Variants in GRIA4 observed in about 807,000 individuals in gnomAD.
GRIA4 encodes glutamate receptor 4.
GRIA4 carries 34 observed loss-of-function variants against 104.0 expected under a neutral mutation model. The observed-to-expected ratio is 0.33, with a 90% confidence interval of 0.25 to 0.44. GRIA4 has a LOEUF of 0.44. Ranked by LOEUF, GRIA4 falls within the 20% of genes least tolerant of loss-of-function variation. The pLI, the probability that GRIA4 is intolerant of heterozygous loss-of-function variation, is 1.00. For missense variants in GRIA4, 750 were observed against 1,096.5 expected, an observed-to-expected ratio of 0.68 and a Z score of 4.46; for synonymous variants, 386 against 381.9, an observed-to-expected ratio of 1.01 and a Z score of -0.13.
chr11:105,701,910 T>A (rs553217652), intron 3 of GRIA4, among the ~76,000 whole-genome samples: 32 of 152,192 alleles, frequency 2.1e-4, no homozygotes, highest in Non-Finnish European at 4.1e-4. Context: ...CATAGTAATA[T>A]ACCAATATTT....
At chr11:105,686,021 G>A (rs1952870166) in intron 3 of GRIA4, among the ~76,000 whole-genome samples, 2 of 152,078 alleles carry the variant, frequency 1.3e-5, no homozygotes, top group South Asian at 4.1e-4. Context: ...AGCTACTATA[G>A]AGGAATGCAA....
chr11:105,895,330 T>G (rs1258809780), intron 6 of GRIA4, among the ~76,000 whole-genome samples: 2 of 151,960 alleles, frequency 1.3e-5, no homozygotes, highest in Non-Finnish European at 2.9e-5. Flanking sequence ...ATTAATTCAC[T>G]TCCTTAATAG....
At chr11:105,713,069 G>A (rs988652653) in intron 3 of GRIA4, among the ~76,000 whole-genome samples, 3 of 152,004 alleles carry the variant, frequency 2.0e-5, no homozygotes, top group Non-Finnish European at 4.4e-5. Flanking sequence ...TGATATTGCA[G>A]TATAATATAA....
rs60005308 is a variant in GRIA4, at chr11:105,911,775, AATATATATATATATAT to A, written c.1269+1249_1269+1264del. On this transcript the variant is annotated intron_variant, in intron 10 of 16. Transcript: ENST00000282499. ...AATATTTGCATGGGACTTGAAAAGC[AATATATATATATATAT>A]ATATATATATATATATATGTTTCTT... is the stretch of plus-strand genomic sequence containing the variant. 9.3e-3 allele frequency: 694 copies of A among 74,576 alleles called. 109 individuals are homozygous for A. Among genetic ancestry groups the A allele is most frequent in the South Asian group, 0.035 (65 of 1,882 alleles). 4.6% of individuals were successfully genotyped at this position (74,576 alleles called of 1,614,324 possible).
At chr11:105,887,178 C>A (rs1286256669) in intron 5 of GRIA4, among the ~76,000 whole-genome samples, 1 of 152,002 alleles carries the variant, frequency 6.6e-6, no homozygotes, top group Non-Finnish European at 1.5e-5. Flanking sequence ...CATCTAAATT[C>A]TTCGGATGAA....
chr11:105,863,466 G>A (rs903699384), intron 5 of GRIA4, among the ~76,000 whole-genome samples: 10 of 151,466 alleles, frequency 6.6e-5, no homozygotes, highest in Non-Finnish European at 1.0e-4. Flanking sequence ...TACATTACTC[G>A]GGCTTATTCC....
chr11:105,717,549 G>A (rs1288044080), intron 3 of GRIA4, among the ~76,000 whole-genome samples: 1 of 151,562 alleles, frequency 6.6e-6, no homozygotes, highest in African/African-American at 2.4e-5. Context: ...TTTCTTGGAA[G>A]GGAGGAATAG....
chr11:105,805,504 C>T (rs1398512577), intron 4 of GRIA4, among the ~76,000 whole-genome samples: 1 of 129,420 alleles, frequency 7.7e-6, no homozygotes, highest in African/African-American at 3.3e-5. Context: ...AAACAAGCCA[C>T]AAAAAGAAAA....
intron 10 of GRIA4, among the ~76,000 whole-genome samples, chr11:105,911,208 T>C (rs1373353484): frequency 6.6e-6 from 1 of 152,066 alleles, no homozygotes; most frequent in Non-Finnish European, 1.5e-5. Context: ...AAGAATACGA[T>C]TGCTTCATTT....
intron 3 of GRIA4, among the ~76,000 whole-genome samples, chr11:105,715,026 A>G (rs1195132297): frequency 6.6e-6 from 1 of 152,178 alleles, no homozygotes; most frequent in Non-Finnish European, 1.5e-5. Context: ...AACAATCACA[A>G]TTGATTGCAA....
At chr11:105,741,943 T>C (rs865775791) in intron 3 of GRIA4, among the ~76,000 whole-genome samples, 1 of 152,098 alleles carries the variant, frequency 6.6e-6, no homozygotes, top group South Asian at 2.1e-4. Flanking sequence ...ATGAGGACTA[T>C]AGTTGATAAT....
At chr11:105,718,306 T>G (rs918650918) in intron 3 of GRIA4, among the ~76,000 whole-genome samples, 18 of 152,160 alleles carry the variant, frequency 1.2e-4, no homozygotes, top group African/African-American at 4.3e-4. Context: ...AGTGTAATTA[T>G]TTTAAGGGGG....
chr11:105,682,947 AT>A (rs534255812), intron 3 of GRIA4, among the ~76,000 whole-genome samples: 1 of 152,212 alleles, frequency 6.6e-6, no homozygotes, highest in Non-Finnish European at 1.5e-5. Context: ...GCCATCTATT[AT>A]TTTTGATAGG....
intron 6 of GRIA4, among the ~76,000 whole-genome samples, chr11:105,892,783 A>G (rs1378194528): frequency 1.3e-5 from 2 of 152,192 alleles, no homozygotes; most frequent in Non-Finnish European, 2.9e-5. Flanking sequence ...TCAATTTCTT[A>G]ACTAATTTTT....
intron 4 of GRIA4, among the ~76,000 whole-genome samples, chr11:105,785,884 A>C (rs529461441): frequency 6.6e-6 from 1 of 152,216 alleles, no homozygotes; most frequent in Non-Finnish European, 1.5e-5. Flanking sequence ...GGTGACTCAC[A>C]CCTGTAATCC....
intron 4 of GRIA4, among the ~76,000 whole-genome samples, chr11:105,850,223 C>T (rs886711980): frequency 1.3e-5 from 2 of 152,162 alleles, no homozygotes; most frequent in Non-Finnish European, 2.9e-5. Flanking sequence ...CAATTTGTTA[C>T]AGTTATATAA....
rs1302880586 is a variant in GRIA4, at chr11:105,930,555, A to G, written c.2047-3167A>G. 5.9e-5 allele frequency among the ~76,000 whole-genome samples: 9 copies of G among 151,786 alleles called. No individual in the cohort carries two copies. The East Asian group carries it at 1.7e-3, about 29-fold the overall frequency. ...GCAGTAATTTTCCACATACTAATAT[A>G]TAGAAATGGACTATTAAAAAGTAAA... is the stretch of plus-strand genomic sequence containing the variant. On this transcript the variant is annotated intron_variant, in intron 13 of 16. Transcript: ENST00000282499.
intron 3 of GRIA4, 149 bp from the exon 4 acceptor site, chr11:105,752,832 G>A: frequency 1.5e-6 from 1 of 685,406 alleles, no homozygotes; most frequent in Non-Finnish European, 2.5e-6. Context: ...GCAATTAATT[G>A]CACACTTCAC....
In GRIA4 at chr11:105,937,047, G is replaced by A. The variant is rs536736696; in HGVS notation, c.2294+3078G>A. Among the ~76,000 whole-genome samples the A allele has an allele frequency of 8.2e-4, 124 of 152,082 alleles. No homozygotes were observed. In the Middle Eastern group the frequency reaches 0.014, roughly 17 times the overall value. On this transcript the variant is annotated intron_variant, in intron 14 of 16. Coordinates refer to ENST00000282499, the MANE Select transcript of GRIA4 (RefSeq NM_000829.4). ...TTGATCTGGAATCTTTTTTTCACAT[G>A]CACAGTACAATTTATACTTCTATCA...
Sources: gnomAD v4.1 joint callset for allele counts (sites outside exome capture counted in the v4.1 genomes callset) on GRCh38, gnomAD v4.1.1 for gene constraint, MANE v1.5 for transcripts, NCBI Gene and HGNC (gene_info 2026-07-23, HGNC 2026-07-21) for gene names.